The following CNTNAP3 variants were observed in gnomAD, a reference collection of about 807,000 sequenced individuals.
The protein encoded by CNTNAP3 is contactin associated protein family member 3, also known as contactin-associated protein-like 3.
CNTNAP3 carries 36 observed loss-of-function variants against 92.1 expected under a neutral mutation model. The ratio of observed to expected loss-of-function variants is 0.39; its 90% CI spans 0.30 to 0.52. CNTNAP3 has a LOEUF of 0.52. Ranked by LOEUF, CNTNAP3 falls within the 20% of genes least tolerant of loss-of-function variation. The pLI, the probability that CNTNAP3 is intolerant of heterozygous loss-of-function variation, is 0.76. For synonymous variants in CNTNAP3, 232 were observed against 422.3 expected (o/e 0.55, Z 5.53); for missense variants, 534 against 1,069.6 (o/e 0.50, Z 6.98).
intron 13 of CNTNAP3, among the ~76,000 whole-genome samples, chr9:39,118,840 G>C (rs1242813106): frequency 2.6e-5 from 4 of 152,232 alleles, no homozygotes; most frequent in African/African-American, 9.6e-5. Context: ...TCTGAGGTTA[G>C]AGATTTCTCA....
chr9:39,096,239 C>T (rs1376259869), intron 18 of CNTNAP3, among the ~76,000 whole-genome samples: 6 of 138,020 alleles, frequency 4.3e-5, no homozygotes, highest in Non-Finnish European at 7.9e-5. Context: ...TAATTACCTG[C>T]ACACTTACCT....
intron 21 of CNTNAP3, among the ~76,000 whole-genome samples, chr9:39,081,594 C>T (rs1479539622): frequency 2.0e-5 from 3 of 151,124 alleles, no homozygotes; most frequent in Admixed American, 6.6e-5. Context: ...AATACTGGCA[C>T]TTGACGTTGT....
Position 39,126,188 on chromosome 9 carries a change from G to A in CNTNAP3, c.2080+6744C>T, listed in dbSNP as rs566675541. Among the ~76,000 whole-genome samples the A allele has an allele frequency of 3.9e-5, 6 of 152,256 alleles. No homozygotes were observed. In the East Asian group the frequency reaches 9.6e-4, roughly 24 times the overall value. Reference sequence around the variant, plus strand: ...GAATGGAATTAAACTAATAATAGCAGAAAGAGAGCTGAAATATCCTCAAAT... The same window carrying A: ...GAATGGAATTAAACTAATAATAGCAAAAAGAGAGCTGAAATATCCTCAAAT... On this transcript the variant is annotated intron_variant, in intron 13 of 23. Transcript: ENST00000297668.
intron 15 of CNTNAP3, among the ~76,000 whole-genome samples, 196 bp from the exon 16 acceptor site, chr9:39,104,110 T>G (rs1274533636): frequency 3.3e-5 from 5 of 152,100 alleles, no homozygotes; most frequent in African/African-American, 1.2e-4. Context: ...AGGATTAGAA[T>G]TCTGTGTTCA....
intron 19 of CNTNAP3, among the ~76,000 whole-genome samples, chr9:39,087,489 T>TTG (rs1554714081): frequency 0.033 from 5,022 of 151,766 alleles, 134 homozygotes; most frequent in East Asian, 0.11. Context: ...AGATTTTTTT[T>TTG]TTTGTTTGTT....
At chr9:39,120,396 CG>C (rs1820986673) in intron 13 of CNTNAP3, among the ~76,000 whole-genome samples, 1 of 152,046 alleles carries the variant, frequency 6.6e-6, no homozygotes, top group South Asian at 2.1e-4. Context: ...CTTTTTAGGC[CG>C]GGTGCGGTGG....
At chr9:39,162,859 T>C (rs1563896724) in intron 9 of CNTNAP3, among the ~76,000 whole-genome samples, 1 of 145,038 alleles carries the variant, frequency 6.9e-6, no homozygotes, top group Non-Finnish European at 1.5e-5. Flanking sequence ...AACTACCTAC[T>C]AGGTACTATG....
chr9:39,133,289 A>C (rs988029532), intron 12 of CNTNAP3, among the ~76,000 whole-genome samples, 154 bp from the exon 13 acceptor site: 4 of 152,156 alleles, frequency 2.6e-5, no homozygotes, highest in Non-Finnish European at 5.9e-5. Context: ...CTGTGTAACA[A>C]TGTACTGAGC....
chr9:39,130,755 G>A (rs1422862667), intron 13 of CNTNAP3, among the ~76,000 whole-genome samples: 1 of 151,732 alleles, frequency 6.6e-6, no homozygotes, highest in Admixed American at 6.6e-5. Flanking sequence ...CGCCCGCCTC[G>A]GCCTCCCGAA....
chr9:39,157,276 G>A (rs1292689729), intron 9 of CNTNAP3, among the ~76,000 whole-genome samples: 1 of 7,390 alleles, frequency 1.4e-4, no homozygotes, highest in Non-Finnish European at 2.9e-4. Context: ...TGCTCTGAAG[G>A]ACTGTTAGAG....
At position 39,066,110 on chromosome 9, in the gene CNTNAP3, T is replaced by C. The variant is rs551675497; in HGVS notation, c.*7780A>G. ...TCATCGCTGCATTGTAATATTATTG[T>C]GTAATATTGTAATATTATCACTGTT... On this transcript the variant is annotated 3_prime_UTR_variant, in exon 24 of 24. Coordinates refer to ENST00000297668, the MANE Select transcript of CNTNAP3 (RefSeq NM_033655.5). 4.6e-5 allele frequency among the ~76,000 whole-genome samples: 7 copies of C among 152,358 alleles called. No homozygotes were observed. In the East Asian group the frequency reaches 1.3e-3, roughly 29 times the overall value.
rs1402535909 is a variant in CNTNAP3 at position 39,071,845 on chromosome 9, G to T, written c.*2045C>A. 1.4e-4 allele frequency among the ~76,000 whole-genome samples: 18 copies of T among 129,114 alleles called. No homozygotes were observed. The highest frequency in any genetic ancestry group is 5.6e-4 in the African/African-American group (18 of 32,280). The allele number at this position is 129,114 out of a possible 152,430, so 84.7% of individuals were successfully genotyped here. On this transcript the variant is annotated 3_prime_UTR_variant, in exon 24 of 24. Transcript: ENST00000297668. The stretch of plus-strand genomic sequence containing the variant: ...AGATGATAAATATCAAACCAAAAAA[G>T]TCAACAAATCTTAATAATCTCAAAA...
chr9:39,118,017 T>C (rs1387933816), intron 14 of CNTNAP3, 86 bp downstream of exon 14: 7 of 1,590,340 alleles, frequency 4.4e-6, no homozygotes, highest in Non-Finnish European at 5.1e-6. Context: ...TACCTTATTG[T>C]ACCAGCTTGT....
rs1346699017 is a variant in CNTNAP3, at chr9:39,075,583, G to A, written c.3746-1572C>T. On this transcript the variant is annotated intron_variant, in intron 23 of 23. Coordinates refer to ENST00000297668, the MANE Select transcript of CNTNAP3 (RefSeq NM_033655.5). ...CTCCCCTCTTTTCATCTAAAGACAGGATGTAAATTCTCTTTTACCGGAGAC... is the reference window on the plus strand; with the variant it reads ...CTCCCCTCTTTTCATCTAAAGACAGAATGTAAATTCTCTTTTACCGGAGAC... 3.3e-5 allele frequency among the ~76,000 whole-genome samples: 5 copies of A among 152,404 alleles called. No individual in the cohort carries two copies. The South Asian group carries it at 1.0e-3, about 32-fold the overall frequency.
At chr9:39,126,386 C>A (rs981956090) in intron 13 of CNTNAP3, among the ~76,000 whole-genome samples, 6 of 152,044 alleles carry the variant, frequency 3.9e-5, no homozygotes, top group African/African-American at 1.4e-4. Context: ...ATAAATGATA[C>A]CAATTTTCCA....
intron 13 of CNTNAP3, among the ~76,000 whole-genome samples, chr9:39,120,686 AC>A (rs1327622314): frequency 6.6e-6 from 1 of 152,140 alleles, no homozygotes; most frequent in Non-Finnish European, 1.5e-5. Context: ...AATAACAACA[AC>A]AAAAAACCTT....
Position 39,068,465 on chromosome 9 carries a change from A to G in CNTNAP3, c.*5425T>C, listed in dbSNP as rs1195560526. ...ATTAAATAAAAATTAAAAAATTCAT[A>G]GAGAGGTGACTAGAAAAGATGTTTA... On this transcript the variant is annotated 3_prime_UTR_variant, in exon 24 of 24. Transcript: ENST00000297668. Among the ~76,000 whole-genome samples, 2 of 152,292 alleles carry G rather than the reference A, an allele frequency of 1.3e-5. No homozygotes were observed. Among genetic ancestry groups the G allele is most frequent in the Non-Finnish European group, 2.9e-5 (2 of 68,058 alleles).
In CNTNAP3 at chr9:39,107,542, A is replaced by T. The variant is rs182967967; in HGVS notation, c.2365+1618T>A. 5.2e-3 allele frequency among the ~76,000 whole-genome samples: 792 copies of T among 152,332 alleles called. 1 individual carries two copies. The highest frequency in any genetic ancestry group is 0.017 in the African/African-American group (725 of 41,580). ...TAAAATAAGAGCTAAAATATGAGAT[A>T]AACAGAAAAGATGATTTTTAAGGAA... On this transcript the variant is annotated intron_variant, in intron 15 of 23. Coordinates refer to ENST00000297668, the MANE Select transcript of CNTNAP3 (RefSeq NM_033655.5).
chr9:39,123,482 A>C (rs899016669), intron 13 of CNTNAP3, among the ~76,000 whole-genome samples: 5 of 152,024 alleles, frequency 3.3e-5, no homozygotes, highest in Admixed American at 6.6e-5. Flanking sequence ...ACCAGAAGAA[A>C]TATTTAAAAT....
Sources: allele counts gnomAD v4.1 joint callset (sites outside exome capture counted in the v4.1 genomes callset), GRCh38; gene constraint gnomAD v4.1.1; transcripts MANE v1.5; gene names NCBI Gene and HGNC (gene_info 2026-07-23, HGNC 2026-07-21).